Variants in MYH2 observed in about 807,000 individuals in gnomAD.
The protein encoded by MYH2 is myosin heavy chain 2.
In MYH2, 139 loss-of-function variants were observed where a neutral mutation model predicts 228.1. The observed-to-expected ratio is 0.61, with a 90% confidence interval of 0.53 to 0.70. MYH2 has a LOEUF of 0.70. MYH2 is among the 30% of genes least tolerant of loss of function. The probability of loss-of-function intolerance (pLI) is 0.00; values close to 1 mark genes in which losing one functional copy is unlikely to be tolerated. For missense variants in MYH2, 1,809 were observed against 2,357.5 expected (o/e 0.77, Z 4.82); for synonymous variants, 796 against 871.1 (o/e 0.91, Z 1.52).
At position 10,525,177 on chromosome 17, in the gene MYH2, C is replaced by A; in HGVS notation, c.4662+47G>T. 6.2e-7 allele frequency: 1 copy of A among 1,613,758 alleles called. No homozygotes were observed. Among genetic ancestry groups the A allele is most frequent in the Non-Finnish European group, 8.5e-7 (1 of 1,179,908 alleles). On this transcript the variant is annotated intron_variant, in intron 33 of 39. Coordinates refer to ENST00000245503, the MANE Select transcript of MYH2 (RefSeq NM_017534.6). This position sits in a 1 kb window ranked among gnomAD's most constrained non-coding sequence, Gnocchi z 4.2. Reference sequence around the variant, plus strand: ...TTTTTATTCACTCTATGCAGATGTACCTAATTATTTTCCAGATTTTTTTAT... The same window carrying A: ...TTTTTATTCACTCTATGCAGATGTAACTAATTATTTTCCAGATTTTTTTAT...
chr17:10,537,696 T>C lies in MYH2; in HGVS notation c.1556A>G (p.Asp519Gly). The C allele has an allele frequency of 6.2e-7, 1 of 1,614,160 alleles. No homozygotes were observed. Among genetic ancestry groups the C allele is most frequent in the Non-Finnish European group, 8.5e-7 (1 of 1,180,020 alleles). The change falls in exon 15 of 40, where the codon GAC (aspartate) becomes GGC (glycine). Residue 519 changes from aspartate to glycine, a missense_variant. Physicochemically the swap from Asp to Gly is moderately conservative, Grantham distance 94 (BLOSUM62 -1). Transcript: ENST00000245503. This position sits in a 1 kb window ranked among gnomAD's most constrained non-coding sequence, Gnocchi z 4.0. ...GATGAGCTCGATGCAGGCAGCCAGGTCCATCCCGAAGTCGATGAACGTCCA... is the reference window on the plus strand; with the variant it reads ...GATGAGCTCGATGCAGGCAGCCAGGCCCATCCCGAAGTCGATGAACGTCCA... ...IEWTFIDFGM[D>G]LAACIELIEK... is the part of the protein sequence containing the mutation.
rs2073470150 is a variant in MYH2, at chr17:10,535,297, G to A, written c.2043C>T (p.Pro681=). ...TCTTACCAGGAGTTTTTGTCTCATTGGGGATGATACACCTCACAAAGTGAG... is the reference window on the plus strand; with the variant it reads ...TCTTACCAGGAGTTTTTGTCTCATTAGGGATGATACACCTCACAAAGTGAG... ...THPHFVRCII[P]NETKTPGAME... Residue 681 remains proline, a synonymous_variant, in exon 18 of 40, where the codon CCC becomes CCT. Transcript: ENST00000245503. 1.2e-6 allele frequency: 2 copies of A among 1,613,990 alleles called. No individual in the cohort carries two copies.
intron 19 of MYH2, 108 bp from the exon 20 acceptor site, chr17:10,533,740 C>A (rs1018381945): frequency 3.5e-6 from 5 of 1,415,784 alleles, no homozygotes; most frequent in Non-Finnish European, 4.9e-6. Flanking sequence ...AAATATTATT[C>A]TTTGTTCACA....
At chr17:10,530,997 G>C (rs529536507) in intron 22 of MYH2, among the ~76,000 whole-genome samples, 3 of 152,334 alleles carry the variant, frequency 2.0e-5, no homozygotes, top group South Asian at 2.1e-4. Context: ...GATGGAAGCA[G>C]TTCTAAAATG....
chr17:10,524,709 G>C lies in MYH2; in HGVS notation c.4972-40C>G, dbSNP rs375790229. 34 of 1,614,078 alleles carry C rather than the reference G, an allele frequency of 2.1e-5. No individual in the cohort carries two copies. In the African/African-American group the frequency reaches 4.4e-4, roughly 21 times the overall value. On this transcript the variant is annotated intron_variant, in intron 34 of 39. Coordinates refer to ENST00000245503, the MANE Select transcript of MYH2 (RefSeq NM_017534.6). The surrounding 1 kb of genome is among the most constrained non-coding windows in gnomAD (Gnocchi z 4.7). Reference sequence around the variant, plus strand: ...ATCATTGAGACATCATGTTCTCAGGGTTGCAGGCACCCCAATAGTCCTGGG... The same window carrying C: ...ATCATTGAGACATCATGTTCTCAGGCTTGCAGGCACCCCAATAGTCCTGGG...
In MYH2 at chr17:10,545,478, T is replaced by G. The variant is rs886044672; in HGVS notation, c.373A>C (p.Thr125Pro). 1.2e-5 allele frequency: 20 copies of G among 1,614,008 alleles called. No individual in the cohort carries two copies. Among genetic ancestry groups the G allele is most frequent in the Non-Finnish European group, 1.6e-5 (19 of 1,180,016 alleles). Residue 125 changes from threonine (T) to proline (P), a missense_variant, in exon 5 of 40, where the codon ACT becomes CCT. Around this residue, in one of 9 missense-constraint regions of MYH2, gnomAD observed 373 missense variants for 620.4 expected, o/e 0.60. Transcript: ENST00000245503. The stretch of plus-strand genomic sequence containing the variant: ...GGCAGCCACTTGTAGGGGTTGACAG[T>G]GACACAGAAGAGACCTGAATAGGTC... ...IYTYSGLFCV[T>P]VNPYKWLPVY...
intron 21 of MYH2, 30 bp downstream of exon 21, chr17:10,533,255 G>A: frequency 6.2e-7 from 1 of 1,612,700 alleles, no homozygotes; most frequent in East Asian, 2.2e-5. Context: ...TTTTGAAGAT[G>A]GAATATGTGA....
Position 10,547,885 on chromosome 17 carries a change from C to T in MYH2, c.36G>A (p.Glu12=). 6.2e-7 allele frequency: 1 copy of T among 1,614,174 alleles called. No individual in the cohort carries two copies. ...SSDSELAVFG[E]AAPFLRKSER... ...CAGACTTTCGGAGGAAAGGAGCAGC[C>T]TCCCCAAAAACAGCCAATTCTGAGT... Residue 12 remains glutamate, a synonymous_variant, in exon 3 of 40, where the codon GAG becomes GAA. Transcript: ENST00000245503.
chr17:10,542,798 CA>C, intron 10 of MYH2, 76 bp downstream of exon 10: 1 of 934,336 alleles, frequency 1.1e-6, no homozygotes. Context: ...AAAATTCAGT[CA>C]TAGAATACTA....
chr17:10,535,421 T>C, intron 17 of MYH2, 56 bp from the exon 18 acceptor site: 3 of 1,408,104 alleles, frequency 2.1e-6, no homozygotes, highest in Non-Finnish European at 3.0e-6. Flanking sequence ...ATATGAGCAG[T>C]CATTGGTGTC....
At chr17:10,545,646 C>A in intron 4 of MYH2, 144 bp from the exon 5 acceptor site, 1 of 1,112,288 alleles carries the variant, frequency 9.0e-7, no homozygotes, top group Non-Finnish European at 1.3e-6. Context: ...CTCACTGCAG[C>A]CCCAACCTCC....
At chr17:10,541,613 T>C (rs2073556163) in intron 10 of MYH2, among the ~76,000 whole-genome samples, 1 of 152,242 alleles carries the variant, frequency 6.6e-6, no homozygotes, top group African/African-American at 2.4e-5. Context: ...TTGTGAAGCA[T>C]GTGATCTCTG....
chr17:10,522,310 T>C (rs1452777602), intron 39 of MYH2, among the ~76,000 whole-genome samples: 1 of 152,226 alleles, frequency 6.6e-6, no homozygotes, highest in African/African-American at 2.4e-5. Flanking sequence ...TTCAACTTTA[T>C]TGATAGATGT....
chr17:10,537,657 A>G lies in MYH2; in HGVS notation c.1587+8T>C. On this transcript the variant is annotated splice_region_variant and intron_variant, in intron 15 of 39. Coordinates refer to ENST00000245503, the MANE Select transcript of MYH2 (RefSeq NM_017534.6). The surrounding 1 kb of genome is among the most constrained non-coding windows in gnomAD (Gnocchi z 4.0). Reference sequence around the variant, plus strand: ...CGCAAAATATGGTTTCAGAAATGCAAAACCAACCTTCTCGATGAGCTCGAT... The same window carrying G: ...CGCAAAATATGGTTTCAGAAATGCAGAACCAACCTTCTCGATGAGCTCGAT... 6.2e-7 allele frequency: 1 copy of G among 1,614,216 alleles called. No individual in the cohort carries two copies. Among genetic ancestry groups the G allele is most frequent in the Non-Finnish European group, 8.5e-7 (1 of 1,180,028 alleles).
At chr17:10,535,608 A>C (rs376662893) in intron 17 of MYH2, among the ~76,000 whole-genome samples, 1 of 152,190 alleles carries the variant, frequency 6.6e-6, no homozygotes, top group Non-Finnish European at 1.5e-5. Flanking sequence ...GCTTCTTTTC[A>C]GTTTATGCCA....
chr17:10,548,425 G>T (rs1205839179), intron 2 of MYH2, among the ~76,000 whole-genome samples: 7 of 152,216 alleles, frequency 4.6e-5, no homozygotes, highest in Non-Finnish European at 1.0e-4. Context: ...GAGATGTCAT[G>T]AATTATCATG....
In MYH2 at chr17:10,528,984, C is replaced by T. The variant is rs1316635630; in HGVS notation, c.3450G>A (p.Glu1150=). The change falls in exon 27 of 40, where the codon GAG becomes GAA. Residue 1150 remains glutamate (E), a synonymous_variant. Transcript: ENST00000245503. The part of the protein sequence containing the change: ...KQRSDLSREL[E]EISERLEEAG... ...CTTCTTCCAGCCTCTCGCTGATCTC[C>T]TCCAGCTCCCGGGAGAGGTCAGAGC... is the stretch of plus-strand genomic sequence containing the variant. 3 of 1,614,086 alleles carry T rather than the reference C, an allele frequency of 1.9e-6. No individual in the cohort carries two copies. Among genetic ancestry groups the T allele is most frequent in the Admixed American group, 3.3e-5 (2 of 60,010 alleles).
intron 16 of MYH2, among the ~76,000 whole-genome samples, chr17:10,536,979 T>A (rs2073488811): frequency 6.6e-6 from 1 of 152,152 alleles, no homozygotes; most frequent in Non-Finnish European, 1.5e-5. Context: ...GAGGAAGAAG[T>A]AGGAGAGAAT....
rs199982481 is a variant in MYH2, at chr17:10,526,601, G to C, written c.4185C>G (p.Ala1395=). 20 of 1,613,906 alleles carry C rather than the reference G, an allele frequency of 1.2e-5. No homozygotes were observed. In the South Asian group the frequency reaches 2.1e-4, roughly 17 times the overall value. The change falls in exon 30 of 40, where the codon GCC becomes GCG. Residue 1395 remains alanine, a splice_region_variant and synonymous_variant. Transcript: ENST00000245503. ...AIQRTEELEE[A]KKKLAQRLQA... Reference sequence around the variant, plus strand: ...TTCTCTCATATCTGTGCACATACTTGGCCTCCTCCAGCTCCTCTGTGCGCT... The same window carrying C: ...TTCTCTCATATCTGTGCACATACTTCGCCTCCTCCAGCTCCTCTGTGCGCT...
Sources: gnomAD v4.1 joint callset for allele counts (sites outside exome capture counted in the v4.1 genomes callset) on GRCh38, gnomAD v4.1.1 for gene constraint, gnomAD v4.1.1 regional missense constraint, Gnocchi (gnomAD v3.1) non-coding constraint, MANE v1.5 for transcripts, NCBI Gene and HGNC (gene_info 2026-07-23, HGNC 2026-07-21) for gene names.